The following ADAR variants were observed in gnomAD, a reference collection of about 807,000 sequenced individuals.
ADAR encodes the protein adenosine deaminase RNA specific.
In ADAR, 41 loss-of-function variants were observed where a neutral mutation model predicts 113.2. The observed-to-expected ratio is 0.36, with a 90% CI of 0.28 to 0.47. ADAR has a LOEUF of 0.47. Among genes scored for constraint, ADAR ranks in the 20% least tolerant of loss-of-function variants. ADAR has a pLI of 1.00. For missense variants in ADAR, 1,242 were observed against 1,540.9 expected, an observed-to-expected ratio of 0.81 and a Z score of 3.25; for synonymous variants, 605 against 572.6, an observed-to-expected ratio of 1.06 and a Z score of -0.81.
intron 1 of ADAR, among the ~76,000 whole-genome samples, chr1:154,624,026 A>T (rs1359948102): frequency 3.3e-5 from 5 of 151,838 alleles, no homozygotes; most frequent in African/African-American, 9.7e-5. Context: ...AAAAAAAAAA[A>T]GAAAAAGAAA....
intron 1 of ADAR, among the ~76,000 whole-genome samples, chr1:154,620,571 T>TGA (rs1223840607): frequency 6.6e-6 from 1 of 152,212 alleles, no homozygotes; most frequent in African/African-American, 2.4e-5. Flanking sequence ...ACTTGATGCA[T>TGA]ATTCACACAA....
In ADAR at chr1:154,596,897, G is replaced by A. The variant is rs1697536088; in HGVS notation, c.2178C>T (p.Asn726=). Residue 726 remains asparagine (N), a synonymous_variant, in exon 6 of 15, where the codon AAC becomes AAT. Coordinates refer to ENST00000368474, the MANE Select transcript of ADAR (RefSeq NM_001111.5). The stretch of plus-strand genomic sequence containing the variant: ...CGTACTCCAAAAGGCCACCCACAGG[G>A]TTGGTGTTCAGGTATCTCACGAGCT... ...IGELVRYLNT[N]PVGGLLEYAR... is the part of the protein sequence containing the mutation. The A allele has an allele frequency of 6.2e-7, 1 of 1,614,056 alleles. No individual in the cohort carries two copies. The highest frequency in any genetic ancestry group is 8.5e-7 in the Non-Finnish European group (1 of 1,180,050).
chr1:154,602,563 A>C lies in ADAR; in HGVS notation c.79T>G (p.Tyr27Asp), dbSNP rs1469191713. 1 of 1,614,090 alleles carries C rather than the reference A, an allele frequency of 6.2e-7. No individual in the cohort carries two copies. The highest frequency in any genetic ancestry group is 1.1e-5 in the South Asian group (1 of 91,088). The change falls in exon 2 of 15, where the codon TAC becomes GAC. Residue 27 changes from tyrosine (Y) to aspartate (D), a missense_variant. By Grantham distance (160) the Tyr-to-Asp change is radical. Around this residue, in one of 2 missense-constraint regions of ADAR, gnomAD observed 462 missense variants for 483.1 expected, o/e 0.96. Transcript: ENST00000368474. ...GAAGATCCTGGCCCAGGCTGCTGGT[A>C]CCTGAGCTGTCTGTGCTCATAGCCT... ...FQGYEHRQLR[Y>D]QQPGPGSSPS... is the part of the protein sequence containing the mutation.
rs1553216901 is a variant in ADAR at position 154,613,904 on chromosome 1, C to CAAA, written c.-870-11281_-870-11279dup. On this transcript the variant is annotated intron_variant, in intron 1 of 14. Coordinates refer to the ADAR transcript ENST00000368471. The stretch of plus-strand genomic sequence containing the variant: ...GAGCAACAAGAGCGAAACTCCATCT[C>CAAA]AAAAAAAAAAAAAAAGAAAGCAAGA... Among the ~76,000 whole-genome samples the CAAA allele has an allele frequency of 4.0e-3, 499 of 124,120 alleles. 5 individuals carry two copies. Among genetic ancestry groups the CAAA allele is most frequent in the African/African-American group, 0.014 (441 of 30,712 alleles). The allele number at this position is 124,120 out of a possible 152,430, so 81.4% of individuals were successfully genotyped here.
chr1:154,602,554 G>A lies in ADAR; in HGVS notation c.88C>T (p.Pro30Ser). The part of the protein sequence containing the change: ...YEHRQLRYQQ[P>S]GPGSSPSSFL... ...CTACTGGGGGAAGATCCTGGCCCAG[G>A]CTGCTGGTACCTGAGCTGTCTGTGC... Residue 30 changes from proline to serine, a missense_variant, in exon 2 of 15, where the codon CCT (proline) becomes TCT (serine). By Grantham distance (74) the Pro-to-Ser change is moderately conservative (BLOSUM62 -1). Transcript: ENST00000368474. 6.2e-7 allele frequency: 1 copy of A among 1,614,200 alleles called. No homozygotes were observed. Among genetic ancestry groups the A allele is most frequent in the Non-Finnish European group, 8.5e-7 (1 of 1,180,010 alleles).
intron 11 of ADAR, among the ~76,000 whole-genome samples, chr1:154,587,794 G>A (rs1408106843): frequency 6.6e-6 from 1 of 152,128 alleles, no homozygotes. Context: ...CTTTCTTGAG[G>A]TAATCCTATG....
intron 6 of ADAR, among the ~76,000 whole-genome samples, chr1:154,594,874 A>T (rs150480819): frequency 6.6e-6 from 1 of 152,250 alleles, no homozygotes; most frequent in Non-Finnish European, 1.5e-5. Context: ...AACAGAAGAT[A>T]TACTTGTTTA....
At chr1:154,624,142 G>A (rs1698871718) in intron 1 of ADAR, among the ~76,000 whole-genome samples, 1 of 152,222 alleles carries the variant, frequency 6.6e-6, no homozygotes, top group Non-Finnish European at 1.5e-5. Flanking sequence ...CATGCCTGAA[G>A]CTTGCCTTTG....
chr1:154,608,104 TA>T lies in ADAR; in HGVS notation c.-99del. Reference sequence around the variant, plus strand: ...CCCCTCGAGGCCCCCACGCCTCCGCTACTCCGCACTGGAAGTGGCCCCGGGG... The same window carrying T: ...CCCCTCGAGGCCCCCACGCCTCCGCTCTCCGCACTGGAAGTGGCCCCGGGG... On this transcript the variant is annotated 5_prime_UTR_variant, in exon 1 of 15. Transcript: ENST00000368474. 1 of 1,417,466 alleles carries T rather than the reference TA, an allele frequency of 7.1e-7. No individual in the cohort carries two copies. Among genetic ancestry groups the T allele is most frequent in the Non-Finnish European group, 9.3e-7 (1 of 1,079,640 alleles). 87.8% of individuals were successfully genotyped at this position (1,417,466 alleles called of 1,614,324 possible).
chr1:154,608,329 CT>C (rs560819918), upstream of ADAR: 31,424 of 283,732 alleles, frequency 0.11, 70 homozygotes, highest in South Asian at 0.16. Flanking sequence ...ACGGAAGGTA[CT>C]TTTTTTTTTT....
chr1:154,603,283 A>G (rs1698000313), intron 1 of ADAR, among the ~76,000 whole-genome samples: 1 of 152,228 alleles, frequency 6.6e-6, no homozygotes, highest in Non-Finnish European at 1.5e-5. Context: ...ACGGGACCTC[A>G]GAGTCATCTC....
intron 2 of ADAR, chr1:154,600,636 G>T (rs568000000): frequency 1.4e-4 from 39 of 277,526 alleles, no homozygotes; most frequent in African/African-American, 8.4e-4. Context: ...ACCACGCCCA[G>T]CTAATTTTTG....
At chr1:154,589,508 A>G (rs1236605292) in intron 8 of ADAR, 46 bp from the exon 9 acceptor site, 5 of 1,529,776 alleles carry the variant, frequency 3.3e-6, no homozygotes, top group Non-Finnish European at 4.5e-6. Flanking sequence ...AAGGAAACCG[A>G]TGGAAAACAG....
At chr1:154,589,222 T>C (rs1272649778) in intron 9 of ADAR, 147 bp downstream of exon 9, 15 of 714,888 alleles carry the variant, frequency 2.1e-5, no homozygotes, top group Non-Finnish European at 1.0e-5. Context: ...CAGGTTCAAA[T>C]GGACGGGTGA....
Position 154,606,890 on chromosome 1 carries a change from C to T in ADAR, c.15+1102G>A, listed in dbSNP as rs140789988. ...ATACACTGACACCTGTGCAGAAATG[C>T]TTTTCCTTCAAGTTAGGCGTCCTTA... On this transcript the variant is annotated intron_variant, in intron 1 of 14. Transcript: ENST00000368474. Among the ~76,000 whole-genome samples, 3 of 150,976 alleles carry T rather than the reference C, an allele frequency of 2.0e-5. No homozygotes were observed. In the East Asian group the frequency reaches 5.8e-4, roughly 29 times the overall value.
chr1:154,590,142 C>CT (rs749635552), intron 7 of ADAR, 42 bp downstream of exon 7: 3 of 809,412 alleles, frequency 3.7e-6, no homozygotes, highest in Non-Finnish European at 5.9e-6. Context: ...GTTAGGAGGA[C>CT]CCCCCCGCCC....
rs552379567 is a variant in ADAR at position 154,605,283 on chromosome 1, T to G, written c.16-2657A>C. Among the ~76,000 whole-genome samples, 82 of 152,258 alleles carry G rather than the reference T, an allele frequency of 5.4e-4. No individual in the cohort carries two copies. In the South Asian group the frequency reaches 0.016, roughly 30 times the overall value. ...TCCCTCCACAGCCACCTATCACAAC[T>G]CTGACCCTTTCCTTATAGAGCTCCT... is the stretch of plus-strand genomic sequence containing the variant. On this transcript the variant is annotated intron_variant, in intron 1 of 14. Transcript: ENST00000368474.
chr1:154,606,336 A>G (rs1043267565), intron 1 of ADAR, among the ~76,000 whole-genome samples: 1 of 152,090 alleles, frequency 6.6e-6, no homozygotes, highest in African/African-American at 2.4e-5. Context: ...CCGGCCAGTT[A>G]TTTTATTTTT....
At chr1:154,592,877 T>C (rs1381162694) in intron 6 of ADAR, among the ~76,000 whole-genome samples, 2 of 151,894 alleles carry the variant, frequency 1.3e-5, no homozygotes, top group Non-Finnish European at 2.9e-5. Context: ...GGTTCATGCC[T>C]GTAATCCCAG....
Sources: allele counts gnomAD v4.1 joint callset (sites outside exome capture counted in the v4.1 genomes callset), GRCh38; gene constraint gnomAD v4.1.1; regional missense constraint gnomAD v4.1.1; transcripts MANE v1.5; gene names NCBI Gene and HGNC (gene_info 2026-07-23, HGNC 2026-07-21).